Variants in NCALD observed in about 807,000 individuals in gnomAD.
The protein encoded by NCALD is neurocalcin-delta.
Under a neutral mutation model 18.6 loss-of-function variants are expected in NCALD, and 10 were observed. The ratio of observed to expected loss-of-function variants is 0.54; its 90% CI spans 0.33 to 0.91. The LOEUF (loss-of-function observed/expected upper bound fraction) is 0.91. NCALD is among the 40% of genes least tolerant of loss of function. The pLI is 0.03. For synonymous variants in NCALD, 88 were observed against 87.4 expected (o/e 1.01, Z -0.04); for missense variants, 184 against 247.6 (o/e 0.74, Z 1.72).
chr8:101,989,241 T>C (rs1820951805), intron 2 of NCALD, among the ~76,000 whole-genome samples: 1 of 152,176 alleles, frequency 6.6e-6, no homozygotes, highest in Non-Finnish European at 1.5e-5. Context: ...TGAATGTCAG[T>C]GAGCAGAGCA....
chr8:102,064,640 T>A (rs933248828), intron 1 of NCALD, among the ~76,000 whole-genome samples: 1 of 152,188 alleles, frequency 6.6e-6, no homozygotes, highest in Non-Finnish European at 1.5e-5. Context: ...CCCTTGGGGA[T>A]GGCAGCTAAA....
chr8:101,731,479 G>A (rs764109911), intron 1 of NCALD, among the ~76,000 whole-genome samples: 2 of 152,100 alleles, frequency 1.3e-5, no homozygotes, highest in African/African-American at 2.4e-5. Flanking sequence ...CCCCTAAGAT[G>A]AGAATTAAAT....
chr8:101,723,575 G>A (rs1816454326), intron 1 of NCALD, among the ~76,000 whole-genome samples: 2 of 151,980 alleles, frequency 1.3e-5, no homozygotes, highest in African/African-American at 4.8e-5. Flanking sequence ...TTACACTTTT[G>A]TAAGACTAAC....
intron 3 of NCALD, among the ~76,000 whole-genome samples, chr8:101,894,207 C>G (rs1158806405): frequency 2.3e-5 from 3 of 130,178 alleles, no homozygotes; most frequent in Non-Finnish European, 4.7e-5. Flanking sequence ...GATTAAGAAT[C>G]TCACTCAAAG....
intron 2 of NCALD, among the ~76,000 whole-genome samples, chr8:101,710,872 C>G (rs1311384501): frequency 1.3e-5 from 2 of 152,234 alleles, no homozygotes; most frequent in Non-Finnish European, 2.9e-5. Flanking sequence ...CCTGACAGCT[C>G]TGAAGAGAGC....
chr8:102,008,124 G>A (rs1821775033), intron 2 of NCALD, among the ~76,000 whole-genome samples: 1 of 152,130 alleles, frequency 6.6e-6, no homozygotes, highest in African/African-American at 2.4e-5. Flanking sequence ...ATTATTACTT[G>A]TTTCTTAGCA....
At chr8:101,796,453 A>G (rs1301994810) in intron 4 of NCALD, among the ~76,000 whole-genome samples, 1 of 152,240 alleles carries the variant, frequency 6.6e-6, no homozygotes, top group Admixed American at 6.5e-5. Context: ...AAGAAAATAT[A>G]TGGCAAACTG....
chr8:101,953,985 A>AT (rs1284588693), intron 2 of NCALD, among the ~76,000 whole-genome samples: 1 of 152,202 alleles, frequency 6.6e-6, no homozygotes, highest in Non-Finnish European at 1.5e-5. Flanking sequence ...CAGCAACAGA[A>AT]TTGCACTGCA....
At chr8:101,732,230 G>A (rs1299545398) in intron 1 of NCALD, among the ~76,000 whole-genome samples, 2 of 152,144 alleles carry the variant, frequency 1.3e-5, no homozygotes, top group African/African-American at 4.8e-5. Flanking sequence ...ACTACTTTGG[G>A]TTCTGATAAA....
In NCALD at chr8:101,688,994, C is replaced by A; in HGVS notation, c.*315G>T. ...GACTGGATGGGTTTCCCTTCTTTTG[C>A]CCCAACCCCCGAGTCTTACGTTTTA... On this transcript the variant is annotated 3_prime_UTR_variant, in exon 4 of 4. Transcript: ENST00000220931. 2.9e-6 allele frequency: 2 copies of A among 683,734 alleles called. No homozygotes were observed. Among genetic ancestry groups the A allele is most frequent in the Admixed American group, 2.2e-5 (1 of 45,716 alleles). The allele number at this position is 683,734 out of a possible 1,614,324, so 42.4% of individuals were successfully genotyped here.
chr8:101,794,311 T>C (rs1586522306), upstream of NCALD, among the ~76,000 whole-genome samples: 1 of 152,172 alleles, frequency 6.6e-6, no homozygotes, highest in Non-Finnish European at 1.5e-5. Flanking sequence ...TCAATCCATG[T>C]TGAATGACTC....
At chr8:101,941,479 C>T (rs902025988) in intron 2 of NCALD, among the ~76,000 whole-genome samples, 4 of 152,152 alleles carry the variant, frequency 2.6e-5, no homozygotes, top group South Asian at 4.1e-4. Context: ...AGTACCAGCC[C>T]GGGACCCCTG....
chr8:101,863,964 A>G (rs911935360), intron 4 of NCALD, among the ~76,000 whole-genome samples: 1 of 152,120 alleles, frequency 6.6e-6, no homozygotes, highest in Non-Finnish European at 1.5e-5. Flanking sequence ...TTCCAAGGGG[A>G]TGGGGCCTGG....
At chr8:101,895,714 C>T (rs1387088364) in intron 3 of NCALD, among the ~76,000 whole-genome samples, 1 of 148,858 alleles carries the variant, frequency 6.7e-6, no homozygotes, top group Non-Finnish European at 1.5e-5. Flanking sequence ...TTCTTATACA[C>T]CAACAACAGA....
At chr8:101,945,658 C>T (rs1439886299) in intron 2 of NCALD, among the ~76,000 whole-genome samples, 1 of 152,174 alleles carries the variant, frequency 6.6e-6, no homozygotes, top group East Asian at 1.9e-4. Context: ...TCACCTCCAA[C>T]AATGCATCTT....
chr8:101,944,313 A>G (rs974475908), intron 2 of NCALD, among the ~76,000 whole-genome samples: 4 of 152,218 alleles, frequency 2.6e-5, no homozygotes, highest in Admixed American at 2.6e-4. Context: ...TACCCTGTCC[A>G]ATATCAGAGG....
chr8:101,779,539 TA>T (rs1303823845), intron 1 of NCALD, among the ~76,000 whole-genome samples: 6 of 152,166 alleles, frequency 3.9e-5, no homozygotes, highest in African/African-American at 1.4e-4. Flanking sequence ...TTGTGGAATG[TA>T]AAAAACACTG....
rs372346761 is a variant in NCALD at position 101,719,246 on chromosome 8, A to G, written c.378+6T>C. ...CTTCTTTTTTTAAAGGGCTCAGTCT[A>G]CGTACCTGCACGATCTCTAGCATCT... On this transcript the variant is annotated splice_donor_region_variant and intron_variant, in intron 2 of 3. Transcript: ENST00000220931. 99 of 1,612,300 alleles carry G rather than the reference A, an allele frequency of 6.1e-5. No individual in the cohort carries two copies. The African/African-American group carries it at 1.1e-3, about 18-fold the overall frequency.
intron 1 of NCALD, among the ~76,000 whole-genome samples, chr8:102,038,801 T>C (rs1473843953): frequency 6.6e-6 from 1 of 152,118 alleles, no homozygotes; most frequent in Non-Finnish European, 1.5e-5. Context: ...GGGTGGAATC[T>C]GTAAGAATGA....
Sources: allele counts gnomAD v4.1 joint callset (sites outside exome capture counted in the v4.1 genomes callset), GRCh38; gene constraint gnomAD v4.1.1; transcripts MANE v1.5; gene names NCBI Gene and HGNC (gene_info 2026-07-23, HGNC 2026-07-21).